The following SMURF2 variants were observed in gnomAD, a reference collection of about 807,000 sequenced individuals.
SMURF2 encodes SMAD specific E3 ubiquitin protein ligase 2, also known as E3 ubiquitin-protein ligase SMURF2.
A neutral mutation model predicts 109.6 loss-of-function variants in SMURF2; 48 were observed. The ratio of observed to expected loss-of-function variants is 0.44; its 90% CI spans 0.35 to 0.56. The LOEUF is 0.56. Among genes scored for constraint, SMURF2 ranks in the 20% least tolerant of loss-of-function variants. SMURF2 has a pLI of 0.01. For missense variants in SMURF2, 575 were observed against 909.0 expected (o/e 0.63, Z 4.72); for synonymous variants, 288 against 317.1 (o/e 0.91, Z 0.97).
chr17:64,649,706 T>G (rs1158275900), intron 1 of SMURF2, among the ~76,000 whole-genome samples: 1 of 151,938 alleles, frequency 6.6e-6, no homozygotes, highest in Non-Finnish European at 1.5e-5. Flanking sequence ...TAGCCAGGCA[T>G]GGTGGTGCGT....
At chr17:64,651,778 C>A (rs1341898873) in intron 1 of SMURF2, among the ~76,000 whole-genome samples, 1 of 152,052 alleles carries the variant, frequency 6.6e-6, no homozygotes, top group Non-Finnish European at 1.5e-5. Flanking sequence ...AAAAAATTAG[C>A]TGGGCACGGT....
At chr17:64,641,380 G>C (rs1272173646) in intron 1 of SMURF2, among the ~76,000 whole-genome samples, 1 of 152,132 alleles carries the variant, frequency 6.6e-6, no homozygotes, top group African/African-American at 2.4e-5. Flanking sequence ...AGCAGCACCT[G>C]CTGCCACTGC....
chr17:64,593,268 T>C (rs1969773478), intron 4 of SMURF2, 172 bp downstream of exon 4: 1 of 364,276 alleles, frequency 2.7e-6, no homozygotes, highest in Non-Finnish European at 4.4e-6. Flanking sequence ...GTTTCAGACA[T>C]GCACAAGAAG....
At chr17:64,661,786 C>A in intron 1 of SMURF2, 43 bp downstream of exon 1, 2 of 1,212,080 alleles carry the variant, frequency 1.7e-6, no homozygotes, top group Non-Finnish European at 2.1e-6. Context: ...CGCCAGCTCG[C>A]CCACCCCGCG....
rs1970792017 is a variant in SMURF2, at chr17:64,662,135, C to A, written c.-255G>T. The A allele has an allele frequency of 9.6e-7, 1 of 1,038,924 alleles. No individual in the cohort carries two copies. Among genetic ancestry groups the A allele is most frequent in the Non-Finnish European group, 1.2e-6 (1 of 865,412 alleles). 64.4% of individuals were successfully genotyped at this position (1,038,924 alleles called of 1,614,324 possible). On this transcript the variant is annotated 5_prime_UTR_variant, in exon 1 of 19. Transcript: ENST00000262435. ...AAGCGGCAGCCGCGGCCGCCCGCGC[C>A]GCCTCCGCCCGCGCCCCCGCCGCCT...
At chr17:64,595,267 T>C (rs1238997102) in intron 3 of SMURF2, among the ~76,000 whole-genome samples, 3 of 152,242 alleles carry the variant, frequency 2.0e-5, no homozygotes, top group African/African-American at 7.2e-5. Context: ...TTATGAAATA[T>C]ATTGTATTAC....
At chr17:64,639,519 G>A (rs1158386210) in intron 1 of SMURF2, among the ~76,000 whole-genome samples, 3 of 152,116 alleles carry the variant, frequency 2.0e-5, no homozygotes, top group Admixed American at 2.0e-4. Flanking sequence ...GGAGGTTGCA[G>A]TAAATTGAGA....
chr17:64,603,347 C>T (rs1391649575), intron 2 of SMURF2, among the ~76,000 whole-genome samples: 2 of 151,826 alleles, frequency 1.3e-5, no homozygotes, highest in Admixed American at 6.6e-5. Context: ...TTTGAGAGGC[C>T]GAGGCAGGCG....
intron 5 of SMURF2, among the ~76,000 whole-genome samples, 182 bp from the exon 6 acceptor site, chr17:64,586,352 T>C (rs1969652275): frequency 6.6e-6 from 1 of 152,220 alleles, no homozygotes; most frequent in South Asian, 2.1e-4. Context: ...GGAGTAATAT[T>C]AGAATTCTAA....
intron 2 of SMURF2, 120 bp from the exon 3 acceptor site, chr17:64,598,610 C>T (rs1555688293): frequency 4.0e-6 from 3 of 755,782 alleles, no homozygotes; most frequent in Non-Finnish European, 5.9e-6. Context: ...TAACATTTAG[C>T]TATAAATGAA....
chr17:64,577,469 G>A (rs1399804027), intron 9 of SMURF2, among the ~76,000 whole-genome samples: 2 of 151,426 alleles, frequency 1.3e-5, no homozygotes, highest in African/African-American at 4.9e-5. Context: ...CAAGTTAATG[G>A]GTGCAGCACA....
chr17:64,574,333 T>C (rs1022927505), intron 9 of SMURF2, among the ~76,000 whole-genome samples: 1 of 152,180 alleles, frequency 6.6e-6, no homozygotes, highest in Admixed American at 6.5e-5. Context: ...TATACAGTCA[T>C]ACAAAGTAAC....
chr17:64,593,558 A>G lies in SMURF2; in HGVS notation c.216T>C (p.Ser72=), dbSNP rs1314996828. 1.3e-6 allele frequency: 2 copies of G among 1,564,506 alleles called. No individual in the cohort carries two copies. The highest frequency in any genetic ancestry group is 1.7e-6 in the Non-Finnish European group (2 of 1,149,376). ...TCCATACACTGATCGTAACTGAATC[A>G]GACTTTCCAATATACCTAAAAAACA... ...NQHYDLYIGK[S]DSVTISVWNH... is the part of the protein sequence containing the mutation. Residue 72 remains serine (S), a synonymous_variant, in exon 4 of 19, where the codon TCT becomes TCC. Transcript: ENST00000262435.
At chr17:64,554,017 C>T (rs1969082468) in intron 15 of SMURF2, among the ~76,000 whole-genome samples, 1 of 152,160 alleles carries the variant, frequency 6.6e-6, no homozygotes, top group Admixed American at 6.5e-5. Flanking sequence ...TCTCATAAGC[C>T]AAATTAGCCC....
chr17:64,554,561 T>C (rs890582467), intron 15 of SMURF2, among the ~76,000 whole-genome samples: 21 of 152,182 alleles, frequency 1.4e-4, no homozygotes, highest in African/African-American at 4.8e-4. Context: ...CCATGCCAGC[T>C]AGCCCTCAGC....
intron 1 of SMURF2, among the ~76,000 whole-genome samples, chr17:64,623,257 G>C (rs1424300876): frequency 2.6e-5 from 4 of 152,072 alleles, no homozygotes; most frequent in Non-Finnish European, 4.4e-5. Context: ...CAGCTCCTAA[G>C]GTCTACCTTC....
intron 1 of SMURF2, among the ~76,000 whole-genome samples, chr17:64,613,175 G>A (rs1262400984): frequency 6.6e-6 from 1 of 151,986 alleles, no homozygotes; most frequent in African/African-American, 2.4e-5. Flanking sequence ...TGTACCTTGG[G>A]GACTAGAACC....
intron 1 of SMURF2, among the ~76,000 whole-genome samples, chr17:64,654,008 A>C (rs1297576646): frequency 6.6e-6 from 1 of 152,204 alleles, no homozygotes; most frequent in East Asian, 1.9e-4. Flanking sequence ...TTTACTCAAA[A>C]TCCTAGAAAA....
intron 10 of SMURF2, among the ~76,000 whole-genome samples, chr17:64,566,637 TCTCCGCTCACTGCAAC>T (rs1420755077): frequency 1.6e-5 from 2 of 128,538 alleles, no homozygotes; most frequent in African/African-American, 2.9e-5. Context: ...AGTGGCGCAA[TCTCCGCTCACTGCAAC>T]CTCCGCCTCC....
Sources: allele counts gnomAD v4.1 joint callset (sites outside exome capture counted in the v4.1 genomes callset), GRCh38; gene constraint gnomAD v4.1.1; transcripts MANE v1.5; gene names NCBI Gene and HGNC (gene_info 2026-07-23, HGNC 2026-07-21).